Variants in RTN4R observed in about 807,000 individuals in gnomAD.
RTN4R encodes the protein reticulon-4 receptor.
In RTN4R, 4 loss-of-function variants were observed where a neutral mutation model predicts 27.7. That is an observed-to-expected ratio of 0.14 (90% CI 0.07 to 0.33). The LOEUF (loss-of-function observed/expected upper bound fraction) is 0.33. RTN4R is among the 10% of genes least tolerant of loss of function. RTN4R has a pLI of 1.00. For synonymous variants in RTN4R, 290 were observed against 305.6 expected (o/e 0.95, Z 0.53); for missense variants, 554 against 671.5 (o/e 0.83, Z 1.93).
At chr22:20,265,397 A>G (rs1602653608) in intron 1 of RTN4R, among the ~76,000 whole-genome samples, 3 of 152,272 alleles carry the variant, frequency 2.0e-5, no homozygotes, top group East Asian at 1.9e-4. Flanking sequence ...CAGCCCCTGT[A>G]GGGGTGTCCT....
intron 1 of RTN4R, among the ~76,000 whole-genome samples, chr22:20,251,535 CACT>C (rs1445515587): frequency 6.6e-6 from 1 of 151,174 alleles, no homozygotes; most frequent in African/African-American, 2.4e-5. Flanking sequence ...CCATCACCAC[CACT>C]ATCACCACCA....
intron 1 of RTN4R, chr22:20,267,779 C>T (rs2051287552): frequency 2.4e-6 from 1 of 413,090 alleles, no homozygotes; most frequent in African/African-American, 2.2e-5. Context: ...GGCCCCCGCC[C>T]TCGACTTGGC....
At position 20,268,124 on chromosome 22, in the gene RTN4R, G is replaced by A. The variant is rs2051290457; in HGVS notation, c.-32C>T. ...GGTTGGGCGGGGCGCGTCGGGGACT[G>A]AAAGTCGTTTCGGGGCGGGCGCCCG... On this transcript the variant is annotated 5_prime_UTR_variant, in exon 1 of 2. It introduces an in-frame stop codon into an upstream open reading frame of the 5' UTR. Coordinates refer to ENST00000043402, the MANE Select transcript of RTN4R (RefSeq NM_023004.6). 1.8e-6 allele frequency: 2 copies of A among 1,128,868 alleles called. No individual in the cohort carries two copies. The highest frequency in any genetic ancestry group is 2.2e-6 in the Non-Finnish European group (2 of 920,320). 69.9% of individuals were successfully genotyped at this position (1,128,868 alleles called of 1,614,324 possible). A position where few individuals can be genotyped will look rare whatever the true frequency, so the allele number is the denominator to read the frequency against.
intron 1 of RTN4R, among the ~76,000 whole-genome samples, chr22:20,257,587 C>CCTT (rs1441740912): frequency 6.6e-6 from 1 of 152,240 alleles, no homozygotes; most frequent in Non-Finnish European, 1.5e-5. Context: ...AGACTTCCAG[C>CCTT]CTCCAGAACT....
At chr22:20,256,662 C>T (rs2051213693) in intron 1 of RTN4R, among the ~76,000 whole-genome samples, 1 of 152,196 alleles carries the variant, frequency 6.6e-6, no homozygotes, top group Non-Finnish European at 1.5e-5. Flanking sequence ...CAGCCGGTGC[C>T]TCCCTCCCAG....
intron 1 of RTN4R, among the ~76,000 whole-genome samples, chr22:20,250,315 T>C (rs2051168328): frequency 6.6e-6 from 1 of 152,252 alleles, no homozygotes; most frequent in Admixed American, 6.5e-5. Flanking sequence ...TGTTCACGCA[T>C]TGTCCATGGC....
intron 1 of RTN4R, among the ~76,000 whole-genome samples, chr22:20,245,702 G>A (rs906162210): frequency 1.3e-5 from 2 of 152,142 alleles, no homozygotes; most frequent in Admixed American, 1.3e-4. Flanking sequence ...CTATCTGCCT[G>A]GCCAACTCTA....
chr22:20,253,991 ACT>A (rs1371333527), intron 1 of RTN4R, among the ~76,000 whole-genome samples: 1 of 152,180 alleles, frequency 6.6e-6, no homozygotes, highest in Admixed American at 6.5e-5. Context: ...AAACAAAAAA[ACT>A]GAGAAAAGCT....
At chr22:20,249,872 C>T (rs1406335274) in intron 1 of RTN4R, among the ~76,000 whole-genome samples, 1 of 152,230 alleles carries the variant, frequency 6.6e-6, no homozygotes, top group African/African-American at 2.4e-5. Context: ...AGGCTCTTGC[C>T]GGCTTGTTCT....
intron 1 of RTN4R, among the ~76,000 whole-genome samples, chr22:20,253,583 G>C (rs1181774032): frequency 6.6e-6 from 1 of 152,196 alleles, no homozygotes; most frequent in Non-Finnish European, 1.5e-5. Flanking sequence ...CAGCAGAGCA[G>C]CCAACCAGCT....
intron 1 of RTN4R, among the ~76,000 whole-genome samples, chr22:20,250,274 G>A (rs182611082): frequency 6.6e-6 from 1 of 152,370 alleles, no homozygotes; most frequent in African/African-American, 2.4e-5. Context: ...TTCTGTAAAG[G>A]ATGTGCTATT....
chr22:20,254,748 T>G (rs2051202374), intron 1 of RTN4R, among the ~76,000 whole-genome samples: 1 of 151,954 alleles, frequency 6.6e-6, no homozygotes. Flanking sequence ...AGGGAAGTTA[T>G]GGGGCAGCAG....
intron 1 of RTN4R, among the ~76,000 whole-genome samples, chr22:20,244,205 A>G (rs112884545): frequency 7.2e-5 from 11 of 152,380 alleles, no homozygotes; most frequent in African/African-American, 2.6e-4. Context: ...GCAGCTGGCT[A>G]AGAGCAGGAT....
At chr22:20,251,756 C>A (rs375235345) in intron 1 of RTN4R, among the ~76,000 whole-genome samples, 25 of 36,764 alleles carry the variant, frequency 6.8e-4, no homozygotes, top group Non-Finnish European at 1.4e-3. Context: ...ATCACCACCA[C>A]TATCATCCTC....
At chr22:20,261,272 G>A (rs1355739845) in intron 1 of RTN4R, among the ~76,000 whole-genome samples, 3 of 152,208 alleles carry the variant, frequency 2.0e-5, no homozygotes, top group Non-Finnish European at 4.4e-5. Flanking sequence ...GAGGCCTCCA[G>A]GAGGTGAGGG....
chr22:20,252,293 A>G (rs1356419071), intron 1 of RTN4R, among the ~76,000 whole-genome samples: 1 of 152,220 alleles, frequency 6.6e-6, no homozygotes, highest in Non-Finnish European at 1.5e-5. Context: ...ATGGGTCAGT[A>G]CTGGGTCGAC....
At position 20,241,956 on chromosome 22, in the gene RTN4R, G is replaced by T. The variant is rs1315149608; in HGVS notation, c.1177C>A (p.Pro393Thr). Reference protein sequence around the residue: ...PFGTLPGSAEPPLTAVRPEGS... With the variant: ...PFGTLPGSAETPLTAVRPEGS... ...TCGGGCCGCACTGCAGTGAGCGGGG[G>T]CTCAGCAGAGCCAGGCAGAGTCCCA... Residue 393 changes from proline to threonine, a missense_variant, in exon 2 of 2, where the codon CCC (proline) becomes ACC (threonine). Pro to Thr is a conservative substitution (Grantham distance 38). Around this residue, in one of 2 missense-constraint regions of RTN4R, gnomAD observed 141 missense variants for 129.2 expected, o/e 1.09. Transcript: ENST00000043402. 12 of 1,609,056 alleles carry T rather than the reference G, an allele frequency of 7.5e-6. No individual in the cohort carries two copies. The highest frequency in any genetic ancestry group is 1.0e-5 in the Non-Finnish European group (12 of 1,179,704).
chr22:20,259,375 G>A (rs548696078), intron 1 of RTN4R, among the ~76,000 whole-genome samples: 1 of 152,346 alleles, frequency 6.6e-6, no homozygotes, highest in South Asian at 2.1e-4. Context: ...ACCTGTCCCT[G>A]TGTCAGCCTC....
chr22:20,267,831 G>A, intron 1 of RTN4R: 1 of 355,970 alleles, frequency 2.8e-6, no homozygotes, highest in Non-Finnish European at 5.4e-6. Flanking sequence ...CGGCCCTGCC[G>A]AAGCCGTCAA....
Sources: allele counts gnomAD v4.1 joint callset (sites outside exome capture counted in the v4.1 genomes callset), GRCh38; gene constraint gnomAD v4.1.1; regional missense constraint gnomAD v4.1.1; transcripts MANE v1.5; gene names NCBI Gene and HGNC (gene_info 2026-07-23, HGNC 2026-07-21).